The following SUMF1 variants were observed in gnomAD, a reference collection of about 807,000 sequenced individuals.
SUMF1 encodes the protein sulfatase modifying factor 1.
Under a neutral mutation model 47.6 loss-of-function variants are expected in SUMF1, and 48 were observed. The observed-to-expected ratio is 1.01, with a 90% CI of 0.80 to 1.28. The LOEUF (loss-of-function observed/expected upper bound fraction) is 1.28. Among genes scored for constraint, SUMF1 ranks in the 50% most tolerant of loss-of-function variants. SUMF1 has a pLI of 0.00. For synonymous variants in SUMF1, 230 were observed against 192.1 expected (o/e 1.20, Z -1.63); for missense variants, 571 against 485.4 (o/e 1.18, Z -1.66).
At chr3:4,351,653 T>A (rs532125702) in intron 8 of SUMF1, among the ~76,000 whole-genome samples, 18 of 152,290 alleles carry the variant, frequency 1.2e-4, no homozygotes, top group African/African-American at 4.3e-4. Flanking sequence ...TCCATTTCTT[T>A]AGGGTAACAT....
At chr3:4,436,251 G>T (rs968960440) in intron 3 of SUMF1, among the ~76,000 whole-genome samples, 1 of 152,196 alleles carries the variant, frequency 6.6e-6, no homozygotes, top group Non-Finnish European at 1.5e-5. Flanking sequence ...GGATGGGGTA[G>T]TAGAGTCTAT....
chr3:4,076,757 T>C (rs988090229), intron 8 of SUMF1, among the ~76,000 whole-genome samples: 1 of 152,214 alleles, frequency 6.6e-6, no homozygotes, highest in Admixed American at 6.5e-5. Context: ...CCCAGCACTT[T>C]GGGAGACCGA....
chr3:4,109,424 AG>A (rs1301798678), intron 8 of SUMF1, among the ~76,000 whole-genome samples: 5 of 151,846 alleles, frequency 3.3e-5, no homozygotes, highest in African/African-American at 1.2e-4. Flanking sequence ...CTTCTCGAGG[AG>A]TATCTTTGTG....
intron 8 of SUMF1, among the ~76,000 whole-genome samples, chr3:4,335,591 C>A (rs558017420): frequency 6.6e-6 from 1 of 152,230 alleles, no homozygotes; most frequent in African/African-American, 2.4e-5. Flanking sequence ...AGGTCAGGGA[C>A]CTCTGAAGGG....
chr3:4,339,812 C>T (rs1344385624), intron 8 of SUMF1, among the ~76,000 whole-genome samples: 1 of 152,168 alleles, frequency 6.6e-6, no homozygotes, highest in South Asian at 2.1e-4. Flanking sequence ...CATGGTGGCT[C>T]ACGCCTGTAA....
At chr3:4,421,834 A>C (rs922260240) in intron 3 of SUMF1, among the ~76,000 whole-genome samples, 1 of 152,150 alleles carries the variant, frequency 6.6e-6, no homozygotes, top group Non-Finnish European at 1.5e-5. Context: ...AAGTGACTCA[A>C]GGTTATCCCC....
intron 8 of SUMF1, among the ~76,000 whole-genome samples, chr3:4,288,879 A>C (rs1159157939): frequency 6.6e-6 from 1 of 152,178 alleles, no homozygotes; most frequent in Non-Finnish European, 1.5e-5. Context: ...CCAAAGGAAG[A>C]TGGTTTCGGA....
chr3:4,294,899 A>G (rs1697817698), intron 8 of SUMF1, among the ~76,000 whole-genome samples: 1 of 152,174 alleles, frequency 6.6e-6, no homozygotes, highest in African/African-American at 2.4e-5. Flanking sequence ...GAGAGTAAAA[A>G]GGAGTTTCCA....
chr3:4,078,510 A>C (rs57347845), intron 8 of SUMF1, among the ~76,000 whole-genome samples: 1 of 152,084 alleles, frequency 6.6e-6, no homozygotes, highest in Non-Finnish European at 1.5e-5. Flanking sequence ...TAAAAAAATG[A>C]ATAATGCAAT....
intron 8 of SUMF1, among the ~76,000 whole-genome samples, chr3:4,368,591 T>A (rs62257907): frequency 0.16 from 24,530 of 152,038 alleles, 2,218 homozygotes; most frequent in Middle Eastern, 0.22. Flanking sequence ...CCAACCCAAA[T>A]GTCCAACCAT....
chr3:4,363,430 G>C (rs1248948475), intron 8 of SUMF1, among the ~76,000 whole-genome samples: 1 of 151,836 alleles, frequency 6.6e-6, no homozygotes, highest in African/African-American at 2.4e-5. Flanking sequence ...CCTTGAAGAG[G>C]TCCTTCACGT....
rs772970410 is a variant in SUMF1 at position 4,048,057 on chromosome 3, G to A, written c.1191+20512C>T. On this transcript the variant is annotated intron_variant and NMD_transcript_variant, in intron 9 of 12. Coordinates refer to the SUMF1 transcript ENST00000448413. ...ATGATGGATCCTTTGATTAGGGTCTGTTTCATTCAGAAGCCTATGATCTTA... is the reference window on the plus strand; with the variant it reads ...ATGATGGATCCTTTGATTAGGGTCTATTTCATTCAGAAGCCTATGATCTTA... Among the ~76,000 whole-genome samples, 44 of 152,202 alleles carry A rather than the reference G, an allele frequency of 2.9e-4. 1 individual carries two copies. The highest frequency in any genetic ancestry group is 8.3e-4 in the South Asian group (4 of 4,814).
rs529875700 is a variant in SUMF1, at chr3:4,079,359, T to G, written c.1015-10614A>C. Among the ~76,000 whole-genome samples, 146 of 152,186 alleles carry G rather than the reference T, an allele frequency of 9.6e-4. 1 individual carries two copies. Among genetic ancestry groups the G allele is most frequent in the African/African-American group, 3.4e-3 (139 of 41,480 alleles). ...ACATGCCCATTTTGATCTGATCGAT[T>G]GGTAGTAGATGCCTGGAGTGACATG... On this transcript the variant is annotated intron_variant and NMD_transcript_variant, in intron 8 of 12. Coordinates refer to the SUMF1 transcript ENST00000448413.
At chr3:4,168,431 G>C (rs1365157674) in intron 8 of SUMF1, among the ~76,000 whole-genome samples, 1 of 152,142 alleles carries the variant, frequency 6.6e-6, no homozygotes, top group Non-Finnish European at 1.5e-5. Context: ...GCCATCTCCA[G>C]CTCCAGCTCT....
intron 6 of SUMF1, among the ~76,000 whole-genome samples, chr3:4,414,244 T>C (rs1235023451): frequency 6.6e-6 from 1 of 152,074 alleles, no homozygotes; most frequent in African/African-American, 2.4e-5. Context: ...GGTGGAAAAA[T>C]CACTTGAGCC....
chr3:4,122,615 G>A (rs982215516), intron 8 of SUMF1, among the ~76,000 whole-genome samples: 3 of 152,206 alleles, frequency 2.0e-5, no homozygotes, highest in Admixed American at 6.5e-5. Context: ...ACTGGACATA[G>A]GGATGAAGGA....
intron 9 of SUMF1, among the ~76,000 whole-genome samples, chr3:4,041,732 A>T (rs1051046159): frequency 3.9e-5 from 6 of 152,200 alleles, no homozygotes; most frequent in African/African-American, 1.4e-4. Flanking sequence ...GCACAGGCAT[A>T]CACATGAGGT....
intron 8 of SUMF1, among the ~76,000 whole-genome samples, chr3:4,375,075 G>A (rs77733721): frequency 0.032 from 4,642 of 143,428 alleles, 109 homozygotes; most frequent in Non-Finnish European, 0.048. Flanking sequence ...GGTCGGGGCT[G>A]TAGTGAGCTG....
chr3:4,051,396 C>T (rs1008085738), intron 9 of SUMF1, among the ~76,000 whole-genome samples: 1 of 152,098 alleles, frequency 6.6e-6, no homozygotes, highest in Non-Finnish European at 1.5e-5. Context: ...GTGGTTTTGT[C>T]CAGTGATGCA....
Sources: gnomAD v4.1 joint callset for allele counts (sites outside exome capture counted in the v4.1 genomes callset) on GRCh38, gnomAD v4.1.1 for gene constraint, MANE v1.5 for transcripts, NCBI Gene and HGNC (gene_info 2026-07-23, HGNC 2026-07-21) for gene names.